The following FLT3 variants were observed in gnomAD, a reference collection of about 807,000 sequenced individuals.
FLT3 encodes receptor-type tyrosine-protein kinase FLT3.
In FLT3, 46 loss-of-function variants were observed where a neutral mutation model predicts 126.6. The observed-to-expected ratio is 0.36, with a 90% confidence interval of 0.29 to 0.46. The LOEUF is 0.46. Among genes scored for constraint, FLT3 ranks in the 20% least tolerant of loss-of-function variants. The pLI is 1.00. For synonymous variants in FLT3, 404 were observed against 434.4 expected (o/e 0.93, Z 0.87); for missense variants, 1,069 against 1,190.3 (o/e 0.90, Z 1.50).
chr13:28,014,831 C>G (rs1871698309), intron 22 of FLT3, among the ~76,000 whole-genome samples: 1 of 152,114 alleles, frequency 6.6e-6, no homozygotes, highest in African/African-American at 2.4e-5. Flanking sequence ...GAAGCAGGTG[C>G]CTCTGAGGAC....
At chr13:28,064,849 TC>T (rs1876876787) in intron 2 of FLT3, among the ~76,000 whole-genome samples, 2 of 152,160 alleles carry the variant, frequency 1.3e-5, no homozygotes, top group African/African-American at 4.8e-5. Flanking sequence ...GAGCCAGCAA[TC>T]TCACTTCTGG....
At chr13:28,079,425 C>T (rs1193382717) in intron 1 of FLT3, among the ~76,000 whole-genome samples, 1 of 152,156 alleles carries the variant, frequency 6.6e-6, no homozygotes, top group Non-Finnish European at 1.5e-5. Context: ...CCAAACTGTT[C>T]CAACTTCTGC....
intron 15 of FLT3, among the ~76,000 whole-genome samples, chr13:28,030,100 G>A (rs1873185627): frequency 1.3e-5 from 2 of 152,168 alleles, no homozygotes; most frequent in Admixed American, 6.5e-5. Context: ...TCGATTGCCA[G>A]GTTCCATTAT....
At chr13:28,082,411 C>A (rs1313790229) in intron 1 of FLT3, among the ~76,000 whole-genome samples, 1 of 152,168 alleles carries the variant, frequency 6.6e-6, no homozygotes, top group African/African-American at 2.4e-5. Context: ...ACCCCCCTTG[C>A]CTCGTCCTGC....
intron 23 of FLT3, among the ~76,000 whole-genome samples, chr13:28,012,699 C>T (rs1871500060): frequency 6.6e-6 from 1 of 152,092 alleles, no homozygotes; most frequent in African/African-American, 2.4e-5. Context: ...CTTTGGGAGG[C>T]TGAGGCAGGT....
rs35884842 is a variant in FLT3, at chr13:28,028,089, AAG to A, written c.2053+87_2053+88del. ...GACTGAGAAAAGACAAAGAATTAAA[AAG>A]AGAGAGAGAGAGAGAGAGAGCAAAC... On this transcript the variant is annotated intron_variant, in intron 16 of 23. Transcript: ENST00000241453. The A allele has an allele frequency of 0.67, 390,249 of 578,636 alleles. 114,223 individuals are homozygous for A. Among genetic ancestry groups the A allele is most frequent in the East Asian group, 0.73 (23,843 of 32,764 alleles). The allele number at this position is 578,636 out of a possible 1,614,324, so 35.8% of individuals were successfully genotyped here. A position where few individuals can be genotyped will look rare whatever the true frequency, so the allele number is the denominator to read the frequency against.
chr13:28,078,948 G>A (rs1593295684), intron 1 of FLT3, among the ~76,000 whole-genome samples: 1 of 152,086 alleles, frequency 6.6e-6, no homozygotes, highest in Non-Finnish European at 1.5e-5. Context: ...TCCCGACCTC[G>A]TGATCCCCCC....
At chr13:28,014,827 G>C (rs934574752) in intron 22 of FLT3, among the ~76,000 whole-genome samples, 2 of 152,150 alleles carry the variant, frequency 1.3e-5, no homozygotes, top group African/African-American at 4.8e-5. Flanking sequence ...CCGGGAAGCA[G>C]GTGCCTCTGA....
chr13:28,081,869 T>G (rs965258299), intron 1 of FLT3, among the ~76,000 whole-genome samples: 2 of 127,770 alleles, frequency 1.6e-5, no homozygotes, highest in African/African-American at 5.6e-5. Context: ...TTTTTTTTTT[T>G]TTTGTGAGAC....
intron 1 of FLT3, among the ~76,000 whole-genome samples, chr13:28,094,966 C>G (rs1879363880): frequency 6.6e-6 from 1 of 152,180 alleles, no homozygotes; most frequent in African/African-American, 2.4e-5. Context: ...AACTAAATCA[C>G]TTAGGTATAA....
chr13:28,029,514 A>AAAAC (rs1305442240), intron 15 of FLT3, among the ~76,000 whole-genome samples: 2 of 152,244 alleles, frequency 1.3e-5, no homozygotes, highest in African/African-American at 4.8e-5. Flanking sequence ...GTTGGCCCTC[A>AAAAC]AAACAAACAA....
intron 15 of FLT3, among the ~76,000 whole-genome samples, chr13:28,031,042 C>T (rs887150799): frequency 1.3e-5 from 2 of 151,998 alleles, no homozygotes; most frequent in African/African-American, 2.4e-5. Context: ...CTGGCTAACA[C>T]GGTGAAACTC....
intron 1 of FLT3, among the ~76,000 whole-genome samples, chr13:28,087,823 T>C (rs1338147326): frequency 1.3e-5 from 2 of 152,232 alleles, no homozygotes; most frequent in East Asian, 1.9e-4. Context: ...TCCAGTGTAA[T>C]TGAGTTTTCA....
intron 1 of FLT3, among the ~76,000 whole-genome samples, chr13:28,091,263 C>T (rs1351558901): frequency 7.4e-5 from 9 of 121,358 alleles, no homozygotes; most frequent in African/African-American, 1.6e-4. Context: ...GCTCTGTCGC[C>T]CAGGCTGGAG....
At chr13:28,059,122 C>G (rs569946240) in intron 3 of FLT3, among the ~76,000 whole-genome samples, 18 of 152,326 alleles carry the variant, frequency 1.2e-4, no homozygotes, top group South Asian at 4.1e-4. Context: ...AACTTCAGAA[C>G]TATACTCACT....
At chr13:28,057,112 C>T (rs1876080655) in intron 4 of FLT3, among the ~76,000 whole-genome samples, 1 of 152,154 alleles carries the variant, frequency 6.6e-6, no homozygotes, top group South Asian at 2.1e-4. Flanking sequence ...ACGTCCCAGG[C>T]GTTTTTAGCA....
intron 19 of FLT3, among the ~76,000 whole-genome samples, chr13:28,021,747 A>T (rs1285130879): frequency 1.4e-5 from 2 of 145,522 alleles, no homozygotes; most frequent in African/African-American, 5.0e-5. Flanking sequence ...TTTTTAATTA[A>T]TTTTTTTTTT....
chr13:28,016,396 G>A (rs1167989712), intron 20 of FLT3, among the ~76,000 whole-genome samples: 2 of 151,826 alleles, frequency 1.3e-5, no homozygotes, highest in Non-Finnish European at 2.9e-5. Context: ...TCAGCCTCCC[G>A]AGTAGCTGGG....
intron 23 of FLT3, among the ~76,000 whole-genome samples, chr13:28,009,011 C>T (rs968778590): frequency 1.3e-5 from 2 of 151,964 alleles, no homozygotes; most frequent in African/African-American, 4.8e-5. Flanking sequence ...GGATCTCTCT[C>T]CTTTGCCCAT....
Sources: allele counts gnomAD v4.1 joint callset (sites outside exome capture counted in the v4.1 genomes callset), GRCh38; gene constraint gnomAD v4.1.1; transcripts MANE v1.5; gene names NCBI Gene and HGNC (gene_info 2026-07-23, HGNC 2026-07-21).